ADAM23: variants seen among roughly 807,000 people sequenced by gnomAD.
ADAM23 encodes the protein ADAM metallopeptidase domain 23, also known as disintegrin and metalloproteinase domain-containing protein 23.
In ADAM23, 33 loss-of-function variants were observed where a neutral mutation model predicts 120.1. The ratio of observed to expected loss-of-function variants is 0.27; its 90% CI spans 0.21 to 0.37. The LOEUF (loss-of-function observed/expected upper bound fraction) is 0.37. ADAM23 is among the 10% of genes least tolerant of loss of function. The probability of loss-of-function intolerance (pLI) is 1.00; values close to 1 mark genes in which losing one functional copy is unlikely to be tolerated. For synonymous variants in ADAM23, 367 were observed against 375.2 expected (o/e 0.98, Z 0.25); for missense variants, 862 against 1,058.2 (o/e 0.81, Z 2.57).
intron 2 of ADAM23, among the ~76,000 whole-genome samples, chr2:206,473,572 A>AATAATAATAATAATAAT (rs1695706641): frequency 6.8e-6 from 1 of 147,168 alleles, no homozygotes; most frequent in Non-Finnish European, 1.5e-5. Context: ...CCCATCTCTA[A>AATAATAATAATAATAAT]AATAATAATA....
intron 18 of ADAM23, among the ~76,000 whole-genome samples, chr2:206,573,491 G>T (rs1053451114): frequency 6.6e-6 from 1 of 152,068 alleles, no homozygotes; most frequent in African/African-American, 2.4e-5. Flanking sequence ...AGAAAGCAAA[G>T]ATATCACTAT....
chr2:206,509,645 C>T (rs1299737396), intron 3 of ADAM23, among the ~76,000 whole-genome samples: 2 of 152,124 alleles, frequency 1.3e-5, no homozygotes, highest in African/African-American at 4.8e-5. Flanking sequence ...GATGGGATTT[C>T]ACCATGTTGG....
In ADAM23 at chr2:206,492,381, C is replaced by T. The variant is rs532504557; in HGVS notation, c.509+11073C>T. Among the ~76,000 whole-genome samples, 7 of 152,276 alleles carry T rather than the reference C, an allele frequency of 4.6e-5. 1 individual carries two copies. The highest frequency in any genetic ancestry group is 1.4e-4 in the African/African-American group (6 of 41,554). On this transcript the variant is annotated intron_variant, in intron 3 of 25. Coordinates refer to ENST00000264377, the MANE Select transcript of ADAM23 (RefSeq NM_003812.4). Reference sequence around the variant, plus strand: ...AGGCTTTGAGAGGTGAACAGAACCACACAGCTAGTAAGTAACAGCCAAGAA... The same window carrying T: ...AGGCTTTGAGAGGTGAACAGAACCATACAGCTAGTAAGTAACAGCCAAGAA...
chr2:206,492,258 G>A (rs1292312042), intron 3 of ADAM23, among the ~76,000 whole-genome samples: 1 of 152,158 alleles, frequency 6.6e-6, no homozygotes, highest in Non-Finnish European at 1.5e-5. Flanking sequence ...CAGGCCTAAA[G>A]CATGTTTAAG....
chr2:206,552,953 C>T (rs1420805448), intron 9 of ADAM23, among the ~76,000 whole-genome samples: 1 of 152,022 alleles, frequency 6.6e-6, no homozygotes, highest in Non-Finnish European at 1.5e-5. Flanking sequence ...CTGGCGTGAA[C>T]CACCATGCCT....
rs148328938 is a variant in ADAM23 at position 206,570,252 on chromosome 2, A to G, written c.1495-488A>G. Among the ~76,000 whole-genome samples, 187 of 152,230 alleles carry G rather than the reference A, an allele frequency of 1.2e-3. 5 individuals carry two copies. The East Asian group carries it at 0.022, about 18-fold the overall frequency. On this transcript the variant is annotated intron_variant, in intron 15 of 25. Coordinates refer to ENST00000264377, the MANE Select transcript of ADAM23 (RefSeq NM_003812.4). ...ATGATGGTCTTGGATTTCTAGCAAC[A>G]TTTTTTCCCCTAAGTTTACTTGCAT...
At chr2:206,446,090 G>C (rs1470735779) in intron 2 of ADAM23, among the ~76,000 whole-genome samples, 2 of 152,184 alleles carry the variant, frequency 1.3e-5, no homozygotes, top group African/African-American at 4.8e-5. Context: ...ATGGTGACTA[G>C]ACACAAATTA....
At chr2:206,570,955 A>T (rs567739655) in intron 16 of ADAM23, 144 bp downstream of exon 16, 15 of 665,332 alleles carry the variant, frequency 2.3e-5, no homozygotes, top group African/African-American at 3.6e-5. Context: ...TTCAACTCAG[A>T]CCTGTTGGAA....
rs1050161242 is a variant in ADAM23 at position 206,619,871 on chromosome 2, A to G, written c.*2244A>G. ...GGACTAGGTGTACGTTTATTTTGTA[A>G]TAACAGGGCTATCTACAAGGCCTCT... On this transcript the variant is annotated 3_prime_UTR_variant, in exon 26 of 26. Transcript: ENST00000264377. 2 of 152,234 alleles carry G rather than the reference A, an allele frequency of 1.3e-5. No individual in the cohort carries two copies. Among genetic ancestry groups the G allele is most frequent in the Admixed American group, 6.5e-5 (1 of 15,282 alleles). The allele number at this position is 152,234 out of a possible 1,614,324, so 9.4% of individuals were successfully genotyped here.
intron 2 of ADAM23, among the ~76,000 whole-genome samples, chr2:206,464,021 G>T (rs1231991071): frequency 6.6e-6 from 1 of 152,182 alleles, no homozygotes; most frequent in Non-Finnish European, 1.5e-5. Flanking sequence ...CAAATTTCTG[G>T]ACTCTGTAGA....
chr2:206,585,651 A>G (rs1270328139), intron 18 of ADAM23, among the ~76,000 whole-genome samples: 2 of 152,210 alleles, frequency 1.3e-5, no homozygotes, highest in African/African-American at 4.8e-5. Flanking sequence ...GTGAGCTCAC[A>G]GTACTTGCAC....
Position 206,594,901 on chromosome 2 carries a change from A to G in ADAM23, c.2243A>G (p.His748Arg), listed in dbSNP as rs766868253. Reference sequence around the variant, plus strand: ...TCCAAGGGTAAAGTCTGTTCGGGCCATGGGGTAAGTAGGTATCAATGTGAC... The same window carrying G: ...TCCAAGGGTAAAGTCTGTTCGGGCCGTGGGGTAAGTAGGTATCAATGTGAC... ...LDSKGKVCSG[H>R]GVCSNEATCI... Residue 748 changes from histidine to arginine, a missense_variant, in exon 23 of 26, where the codon CAT becomes CGT. Around this residue, in one of 4 missense-constraint regions of ADAM23, gnomAD observed 617 missense variants for 813.5 expected, o/e 0.76. Coordinates refer to ENST00000264377, the MANE Select transcript of ADAM23 (RefSeq NM_003812.4). 4.3e-6 allele frequency: 7 copies of G among 1,614,022 alleles called. No homozygotes were observed. The East Asian group carries it at 6.7e-5, about 15-fold the overall frequency.
intron 1 of ADAM23, among the ~76,000 whole-genome samples, chr2:206,444,476 T>C (rs1695035252): frequency 6.6e-6 from 1 of 152,170 alleles, no homozygotes; most frequent in Non-Finnish European, 1.5e-5. Context: ...GGTAATGGGC[T>C]GTTTCCTCAA....
At chr2:206,604,052 G>A (rs1698688007) in intron 24 of ADAM23, among the ~76,000 whole-genome samples, 1 of 151,968 alleles carries the variant, frequency 6.6e-6, no homozygotes, top group Non-Finnish European at 1.5e-5. Flanking sequence ...AGACCACGAG[G>A]TCAGGAGTTC....
At chr2:206,487,907 C>G (rs1239669035) in intron 3 of ADAM23, among the ~76,000 whole-genome samples, 1 of 152,064 alleles carries the variant, frequency 6.6e-6, no homozygotes, top group East Asian at 1.9e-4. Flanking sequence ...GTGGCTGACT[C>G]CAAAAACTGA....
intron 24 of ADAM23, among the ~76,000 whole-genome samples, chr2:206,606,220 T>C (rs1698726481): frequency 6.6e-6 from 1 of 152,218 alleles, no homozygotes; most frequent in Non-Finnish European, 1.5e-5. Flanking sequence ...AATGCTTTTA[T>C]ATGTGTGTTT....
intron 24 of ADAM23, among the ~76,000 whole-genome samples, chr2:206,602,071 A>C (rs1313103798): frequency 1.3e-5 from 2 of 152,174 alleles, no homozygotes; most frequent in African/African-American, 4.8e-5. Context: ...TCAGTGCACA[A>C]ATCTTTGATT....
At chr2:206,458,585 A>G (rs920059388) in intron 2 of ADAM23, among the ~76,000 whole-genome samples, 5 of 152,218 alleles carry the variant, frequency 3.3e-5, no homozygotes, top group African/African-American at 9.6e-5. Context: ...ACCTTTGCCT[A>G]TAATCAGGGC....
intron 20 of ADAM23, among the ~76,000 whole-genome samples, 181 bp from the exon 21 acceptor site, chr2:206,589,228 A>C (rs1252272068): frequency 1.3e-5 from 2 of 152,230 alleles, no homozygotes; most frequent in Middle Eastern, 3.2e-3. Context: ...CATGGATATC[A>C]CATTGAGTGT....
Sources: allele counts gnomAD v4.1 joint callset (sites outside exome capture counted in the v4.1 genomes callset), GRCh38; gene constraint gnomAD v4.1.1; regional missense constraint gnomAD v4.1.1; transcripts MANE v1.5; gene names NCBI Gene and HGNC (gene_info 2026-07-23, HGNC 2026-07-21).